NEGR1: variants seen among roughly 807,000 people sequenced by gnomAD.
NEGR1 encodes the protein neuronal growth regulator 1, also known as IgLON family member 4.
A neutral mutation model predicts 40.9 loss-of-function variants in NEGR1; 10 were observed. The ratio of observed to expected loss-of-function variants is 0.24; its 90% confidence interval spans 0.15 to 0.42. The LOEUF is 0.42. Among genes scored for constraint, NEGR1 ranks in the 10% least tolerant of loss-of-function variants. The pLI, the probability that NEGR1 is intolerant of heterozygous loss-of-function variation, is 1.00. For synonymous variants in NEGR1, 185 were observed against 166.8 expected (o/e 1.11, Z -0.84); for missense variants, 352 against 438.9 (o/e 0.80, Z 1.77).
At chr1:71,458,311 C>G (rs1646689554) in intron 6 of NEGR1, among the ~76,000 whole-genome samples, 1 of 152,156 alleles carries the variant, frequency 6.6e-6, no homozygotes, top group Non-Finnish European at 1.5e-5. Flanking sequence ...ATTATACATA[C>G]CATTCCTTTG....
intron 2 of NEGR1, among the ~76,000 whole-genome samples, chr1:71,899,570 T>C (rs755196960): frequency 6.6e-6 from 1 of 152,208 alleles, no homozygotes; most frequent in Non-Finnish European, 1.5e-5. Flanking sequence ...CACAGTAGCA[T>C]TTCAGTTTTC....
intron 1 of NEGR1, among the ~76,000 whole-genome samples, chr1:72,232,353 C>CA (rs199556269): frequency 0.22 from 31,092 of 139,926 alleles, 3,605 homozygotes; most frequent in South Asian, 0.3. Flanking sequence ...CAGATTCTGT[C>CA]AAAAAAAAAA....
chr1:72,030,058 A>G (rs1246037447), intron 1 of NEGR1, among the ~76,000 whole-genome samples: 3 of 152,178 alleles, frequency 2.0e-5, no homozygotes, highest in Non-Finnish European at 4.4e-5. Flanking sequence ...AGCTTTGCAA[A>G]CAGGTAGTAA....
chr1:72,228,403 T>C (rs547361729), intron 1 of NEGR1, among the ~76,000 whole-genome samples: 1 of 152,186 alleles, frequency 6.6e-6, no homozygotes, highest in Non-Finnish European at 1.5e-5. Flanking sequence ...TACACCATTA[T>C]CTCCCCTGGT....
intron 3 of NEGR1, among the ~76,000 whole-genome samples, chr1:71,726,609 C>T (rs1191382460): frequency 1.3e-5 from 2 of 152,022 alleles, no homozygotes; most frequent in Non-Finnish European, 1.5e-5. Context: ...CCCACATCAC[C>T]AGGCTCATAT....
intron 2 of NEGR1, among the ~76,000 whole-genome samples, chr1:71,781,997 A>G (rs942545368): frequency 6.6e-6 from 1 of 152,156 alleles, no homozygotes; most frequent in African/African-American, 2.4e-5. Flanking sequence ...AAAGATCAAA[A>G]TTCGATCTTA....
intron 1 of NEGR1, among the ~76,000 whole-genome samples, chr1:72,158,966 T>A (rs1651459026): frequency 1.3e-5 from 2 of 152,156 alleles, no homozygotes; most frequent in African/African-American, 4.8e-5. Context: ...GAATCTAAAA[T>A]GAAATCAAAC....
At chr1:71,704,163 T>TCACACACACACA (rs3077140) in intron 3 of NEGR1, among the ~76,000 whole-genome samples, 4 of 142,216 alleles carry the variant, frequency 2.8e-5, no homozygotes, top group Middle Eastern at 3.5e-3. Context: ...TCTCTCTCTG[T>TCACACACACACA]CACACACACA....
rs1252757570 is a variant in NEGR1 at position 72,058,709 on chromosome 1, C to A, written c.177-123398G>T. ...GCAAGGTAAGCTTTACACTGTACTG[C>A]CATTGCCTATTTATCGCTGTGAAAA... On this transcript the variant is annotated intron_variant, in intron 1 of 6. Coordinates refer to ENST00000357731, the MANE Select transcript of NEGR1 (RefSeq NM_173808.3). Among the ~76,000 whole-genome samples, 4 of 151,608 alleles carry A rather than the reference C, an allele frequency of 2.6e-5. No individual in the cohort carries two copies. In the Admixed American group the frequency reaches 2.6e-4, roughly 10 times the overall value.
At chr1:71,476,142 T>C (rs1646818380) in intron 6 of NEGR1, among the ~76,000 whole-genome samples, 1 of 152,096 alleles carries the variant, frequency 6.6e-6, no homozygotes. Flanking sequence ...AAAATTAATC[T>C]CATCAATCTT....
chr1:71,731,169 GA>G (rs1222116893), intron 3 of NEGR1, among the ~76,000 whole-genome samples: 1 of 152,086 alleles, frequency 6.6e-6, no homozygotes, highest in African/African-American at 2.4e-5. Context: ...TCTAGGTCCA[GA>G]AGGTAAATTT....
At chr1:72,248,579 TTATTATTATTA>T (rs1163492420) in intron 1 of NEGR1, among the ~76,000 whole-genome samples, 1 of 107,150 alleles carries the variant, frequency 9.3e-6, no homozygotes, top group Non-Finnish European at 2.1e-5. Flanking sequence ...TTTTTATTTA[TTATTATTATTA>T]TTATTATTAT....
At chr1:71,445,025 A>G (rs550874340) in intron 6 of NEGR1, among the ~76,000 whole-genome samples, 2 of 152,320 alleles carry the variant, frequency 1.3e-5, no homozygotes, top group South Asian at 4.2e-4. Flanking sequence ...CCCAATAATA[A>G]CACACAAACA....
At chr1:72,064,562 T>C (rs1261736319) in intron 1 of NEGR1, among the ~76,000 whole-genome samples, 1 of 152,092 alleles carries the variant, frequency 6.6e-6, no homozygotes, top group Non-Finnish European at 1.5e-5. Context: ...TTCAACAGTG[T>C]GTCCAAATAC....
chr1:71,526,181 CATT>C (rs1647214188), intron 6 of NEGR1, among the ~76,000 whole-genome samples: 1 of 151,386 alleles, frequency 6.6e-6, no homozygotes, highest in Non-Finnish European at 1.5e-5. Context: ...TATCTGAATT[CATT>C]ATATTCAGGC....
At chr1:71,414,126 G>A (rs1036313096) in intron 6 of NEGR1, among the ~76,000 whole-genome samples, 12 of 152,200 alleles carry the variant, frequency 7.9e-5, no homozygotes, top group African/African-American at 2.6e-4. Flanking sequence ...TACCTAGTGG[G>A]AAGCAAATGA....
intron 6 of NEGR1, among the ~76,000 whole-genome samples, chr1:71,528,534 T>C (rs560700422): frequency 1.1e-4 from 16 of 151,436 alleles, no homozygotes; most frequent in African/African-American, 3.6e-4. Flanking sequence ...ATTTTCCTTT[T>C]TAACAAAATA....
intron 2 of NEGR1, among the ~76,000 whole-genome samples, chr1:71,813,839 T>C (rs11209848): frequency 0.11 from 17,381 of 152,044 alleles, 1,582 homozygotes; most frequent in African/African-American, 0.25. Context: ...TGGGCTGAGA[T>C]TATGGGGTTT....
Position 71,403,942 on chromosome 1 carries a change from A to T in NEGR1, c.*3504T>A, listed in dbSNP as rs1569831002. On this transcript the variant is annotated 3_prime_UTR_variant, in exon 7 of 7. Transcript: ENST00000357731. The stretch of plus-strand genomic sequence containing the variant: ...ACTGTACATCCACATACTTCAATAA[A>T]TAGTTAAAAACCTGACCTCTTTTTA... 7 of 371,784 alleles carry T rather than the reference A, an allele frequency of 1.9e-5. No individual in the cohort carries two copies. In the East Asian group the frequency reaches 2.2e-4, roughly 12 times the overall value. 23.0% of individuals were successfully genotyped at this position (371,784 alleles called of 1,614,324 possible). A position where few individuals can be genotyped will look rare whatever the true frequency, so the allele number is the denominator to read the frequency against.
Sources: allele counts gnomAD v4.1 joint callset (sites outside exome capture counted in the v4.1 genomes callset), GRCh38; gene constraint gnomAD v4.1.1; transcripts MANE v1.5; gene names NCBI Gene and HGNC (gene_info 2026-07-23, HGNC 2026-07-21).